Variants in ACSL3 observed in about 807,000 individuals in gnomAD.
ACSL3 encodes the protein fatty acid CoA ligase Acsl3.
In ACSL3, 34 loss-of-function variants were observed where a neutral mutation model predicts 84.7. The observed-to-expected ratio is 0.40, with a 90% CI of 0.31 to 0.53. ACSL3 has a LOEUF of 0.53. Ranked by LOEUF, ACSL3 falls within the 20% of genes least tolerant of loss-of-function variation. The probability of loss-of-function intolerance (pLI) is 0.48; values close to 1 mark genes in which losing one functional copy is unlikely to be tolerated. For synonymous variants in ACSL3, 315 were observed against 299.4 expected, an observed-to-expected ratio of 1.05 and a Z score of -0.54; for missense variants, 680 against 873.1, an observed-to-expected ratio of 0.78 and a Z score of 2.79.
chr2:222,872,653 A>G (rs1008615913), intron 1 of ACSL3, among the ~76,000 whole-genome samples: 1 of 152,104 alleles, frequency 6.6e-6, no homozygotes, highest in Non-Finnish European at 1.5e-5. Context: ...TAATTATTTA[A>G]TTACAGTTGC....
intron 1 of ACSL3, among the ~76,000 whole-genome samples, chr2:222,880,494 C>A (rs193197831): frequency 1.3e-5 from 2 of 151,842 alleles, no homozygotes; most frequent in Non-Finnish European, 2.9e-5. Context: ...ACTATATTTC[C>A]GTTTCAATTT....
intron 2 of ACSL3, among the ~76,000 whole-genome samples, chr2:222,898,350 G>C (rs188816956): frequency 6.6e-6 from 1 of 152,218 alleles, no homozygotes; most frequent in African/African-American, 2.4e-5. Context: ...TGAAAAATGT[G>C]GGTAGTGAAG....
intron 3 of ACSL3, among the ~76,000 whole-genome samples, chr2:222,905,611 T>G (rs1696272756): frequency 6.6e-6 from 1 of 152,238 alleles, no homozygotes; most frequent in East Asian, 1.9e-4. Flanking sequence ...TTGTTTTCAT[T>G]TTGCCATTTT....
chr2:222,877,657 G>T (rs1442249885), intron 1 of ACSL3, among the ~76,000 whole-genome samples: 1 of 152,198 alleles, frequency 6.6e-6, no homozygotes, highest in African/African-American at 2.4e-5. Context: ...TGGACATAGT[G>T]TAAAACTGGC....
At chr2:222,926,561 G>C (rs765518225) in intron 11 of ACSL3, among the ~76,000 whole-genome samples, 2 of 151,886 alleles carry the variant, frequency 1.3e-5, no homozygotes, top group Non-Finnish European at 2.9e-5. Flanking sequence ...ACAATTCAAA[G>C]CTTGAATTAG....
chr2:222,933,330 TA>T, intron 15 of ACSL3, 50 bp downstream of exon 15: 1 of 1,365,860 alleles, frequency 7.3e-7, no homozygotes, highest in Non-Finnish European at 1.0e-6. Context: ...TTGATGTCCA[TA>T]GACATTTCCT....
At chr2:222,926,158 TATTTACAATGA>T in intron 11 of ACSL3, among the ~76,000 whole-genome samples, 1 of 152,344 alleles carries the variant, frequency 6.6e-6, no homozygotes, top group East Asian at 1.9e-4. Context: ...GTATAACAAC[TATTTACAATGA>T]ATTTATATTG....
chr2:222,936,388 G>C (rs2106143231), intron 16 of ACSL3, among the ~76,000 whole-genome samples: 2 of 152,016 alleles, frequency 1.3e-5, no homozygotes, highest in Middle Eastern at 3.4e-3. Context: ...CGGTATTAAG[G>C]GTTTCCATTT....
chr2:222,868,080 A>G (rs1367631388), intron 1 of ACSL3, among the ~76,000 whole-genome samples: 1 of 152,104 alleles, frequency 6.6e-6, no homozygotes, highest in Non-Finnish European at 1.5e-5. Flanking sequence ...GCATGACTGC[A>G]GGGATAATTC....
chr2:222,935,937 C>T (rs182533239), intron 16 of ACSL3, among the ~76,000 whole-genome samples: 203 of 152,248 alleles, frequency 1.3e-3, no homozygotes, highest in South Asian at 7.5e-3. Flanking sequence ...CCCTCTCTCC[C>T]CCTTCCCTCC....
intron 1 of ACSL3, among the ~76,000 whole-genome samples, chr2:222,883,268 C>A (rs1035332896): frequency 1.3e-5 from 2 of 151,368 alleles, no homozygotes; most frequent in African/African-American, 4.9e-5. Flanking sequence ...GCAACCTCCC[C>A]CTCCCGGGTT....
intron 4 of ACSL3, among the ~76,000 whole-genome samples, chr2:222,915,013 CT>C (rs1396692611): frequency 6.6e-6 from 1 of 152,196 alleles, no homozygotes; most frequent in Non-Finnish European, 1.5e-5. Flanking sequence ...TATCAAACAC[CT>C]TTTCAGAACA....
intron 1 of ACSL3, among the ~76,000 whole-genome samples, chr2:222,865,120 C>T (rs973286419): frequency 1.3e-5 from 2 of 152,026 alleles, no homozygotes; most frequent in South Asian, 4.2e-4. Flanking sequence ...TCCTGTGGTG[C>T]CTTCCTTACA....
chr2:222,899,435 A>G (rs1696077959), intron 2 of ACSL3, among the ~76,000 whole-genome samples: 1 of 152,190 alleles, frequency 6.6e-6, no homozygotes, highest in Non-Finnish European at 1.5e-5. Flanking sequence ...AGATCGCATC[A>G]CTGCTCTCCA....
At chr2:222,910,726 G>T (rs1359926457) in intron 4 of ACSL3, among the ~76,000 whole-genome samples, 3 of 152,158 alleles carry the variant, frequency 2.0e-5, no homozygotes, top group African/African-American at 7.2e-5. Context: ...TGTGTATCTT[G>T]TTTTATCTGA....
rs2106147509 is a variant in ACSL3 at position 222,941,548 on chromosome 2, C to T, written c.2057C>T (p.Pro686Leu). 3.7e-6 allele frequency: 6 copies of T among 1,612,898 alleles called. No homozygotes were observed. The highest frequency in any genetic ancestry group is 5.1e-6 in the Non-Finnish European group (6 of 1,179,662). The change falls in exon 17 of 17, where the codon CCG (proline) becomes CTG (leucine). Residue 686 changes from proline to leucine, a missense_variant. By Grantham distance (98) the Pro-to-Leu change is moderately conservative (BLOSUM62 -3). This residue lies in a region of ACSL3 where 347 missense variants were observed against 525.7 expected (regional missense o/e 0.66). Coordinates refer to ENST00000357430, the MANE Select transcript of ACSL3 (RefSeq NM_004457.5). ...IPVKIRLSPE[P>L]WTPETGLVTD... ...GTAAAAATTCGTTTGAGTCCTGAAC[C>T]GTGGACCCCTGAAACTGGTCTGGTG...
chr2:222,926,558 A>AAAAAAC (rs1388090882), intron 11 of ACSL3, among the ~76,000 whole-genome samples: 9 of 152,222 alleles, frequency 5.9e-5, no homozygotes, highest in African/African-American at 2.2e-4. Flanking sequence ...CAAACAATTC[A>AAAAAAC]AAGCTTGAAT....
At chr2:222,917,958 C>T (rs894416502) in intron 5 of ACSL3, 88 bp from the exon 6 acceptor site, 4 of 928,952 alleles carry the variant, frequency 4.3e-6, no homozygotes, top group Non-Finnish European at 5.1e-6. Flanking sequence ...GCTCCTAATG[C>T]GTTATTATGA....
At chr2:222,925,735 T>G (rs965907184) in intron 11 of ACSL3, among the ~76,000 whole-genome samples, 1 of 152,242 alleles carries the variant, frequency 6.6e-6, no homozygotes, top group African/African-American at 2.4e-5. Flanking sequence ...TAGGGAGTTT[T>G]AATTATTTTG....
Sources: gnomAD v4.1 joint callset for allele counts (sites outside exome capture counted in the v4.1 genomes callset) on GRCh38, gnomAD v4.1.1 for gene constraint, gnomAD v4.1.1 regional missense constraint, MANE v1.5 for transcripts, NCBI Gene and HGNC (gene_info 2026-07-23, HGNC 2026-07-21) for gene names.